Variants in LBP observed in about 807,000 individuals in gnomAD.
LBP encodes lipopolysaccharide binding protein.
LBP carries 53 observed loss-of-function variants against 56.6 expected under a neutral mutation model. That is an observed-to-expected ratio of 0.94 (90% CI 0.75 to 1.18). LBP has a LOEUF of 1.18. Among genes scored for constraint, LBP ranks in the 50% most tolerant of loss-of-function variants. The pLI is 0.00. For missense variants in LBP, 601 were observed against 598.3 expected (o/e 1.00, Z -0.05); for synonymous variants, 227 against 247.5 (o/e 0.92, Z 0.78).
intron 5 of LBP, among the ~76,000 whole-genome samples, chr20:38,358,507 G>A (rs921265409): frequency 6.6e-6 from 1 of 152,196 alleles, no homozygotes; most frequent in Non-Finnish European, 1.5e-5. Context: ...GCGGTCTTCA[G>A]GGAGATGGAT....
rs1398956636 is a variant in LBP at position 38,346,500 on chromosome 20, T to G, written c.-17T>G. 6.8e-6 allele frequency: 11 copies of G among 1,613,012 alleles called. No individual in the cohort carries two copies. The East Asian group carries it at 2.5e-4, about 36-fold the overall frequency. On this transcript the variant is annotated 5_prime_UTR_variant, in exon 1 of 15. Transcript: ENST00000217407. ...CACAGCTGGGACAGTCCTGGCCCAC[T>G]GCACTGGGAATCTAGGATGGGGGCC...
intron 11 of LBP, 104 bp downstream of exon 11, chr20:38,370,909 G>A: frequency 2.1e-6 from 2 of 955,000 alleles, no homozygotes; most frequent in Non-Finnish European, 3.4e-6. Flanking sequence ...CATTTGGAAA[G>A]GACACTTACA....
chr20:38,365,016 C>T (rs1320339056), intron 8 of LBP, among the ~76,000 whole-genome samples: 1 of 152,284 alleles, frequency 6.6e-6, no homozygotes, highest in East Asian at 1.9e-4. Flanking sequence ...GGGCGGATCA[C>T]TTGAGGTCAG....
chr20:38,364,076 C>G lies in LBP; in HGVS notation c.744+10C>G. 1 of 1,600,038 alleles carries G rather than the reference C, an allele frequency of 6.2e-7. No homozygotes were observed. The highest frequency in any genetic ancestry group is 1.3e-5 in the African/African-American group (1 of 74,702). On this transcript the variant is annotated intron_variant, in intron 7 of 14. Coordinates refer to ENST00000217407, the MANE Select transcript of LBP (RefSeq NM_004139.5). Reference sequence around the variant, plus strand: ...GGAGGTGATGTTTAAGGTGAGGGTCCTGGGGCCGGGCTGCGTGGGTGAGGC... The same window carrying G: ...GGAGGTGATGTTTAAGGTGAGGGTCGTGGGGCCGGGCTGCGTGGGTGAGGC...
chr20:38,375,248 C>A (rs1421890673), intron 14 of LBP, among the ~76,000 whole-genome samples: 1 of 151,358 alleles, frequency 6.6e-6, no homozygotes, highest in Non-Finnish European at 1.5e-5. Context: ...AGTGCTCATA[C>A]CTGTTTTCTT....
intron 10 of LBP, among the ~76,000 whole-genome samples, chr20:38,370,515 T>G (rs1369776070): frequency 6.6e-6 from 1 of 152,166 alleles, no homozygotes; most frequent in Non-Finnish European, 1.5e-5. Context: ...GTTTAACTGC[T>G]AACATAAACA....
intron 5 of LBP, among the ~76,000 whole-genome samples, chr20:38,360,155 G>T (rs2076854483): frequency 6.6e-6 from 1 of 151,902 alleles, no homozygotes; most frequent in Admixed American, 6.6e-5. Flanking sequence ...GGGAGGCTGA[G>T]GCAGGAGAAT....
At chr20:38,352,830 TATAA>T (rs137996210) in intron 3 of LBP, among the ~76,000 whole-genome samples, 1 of 151,852 alleles carries the variant, frequency 6.6e-6, no homozygotes, top group Admixed American at 6.6e-5. Flanking sequence ...AATTATTTAT[TATAA>T]ATAAATAAAT....
chr20:38,360,607 T>C, intron 5 of LBP, 97 bp from the exon 6 acceptor site: 1 of 758,274 alleles, frequency 1.3e-6, no homozygotes, highest in Admixed American at 2.0e-5. Flanking sequence ...CAGTGATCAC[T>C]GAGCACATGT....
chr20:38,366,477 T>C (rs1251789245), intron 8 of LBP, among the ~76,000 whole-genome samples: 10 of 152,126 alleles, frequency 6.6e-5, no homozygotes, highest in Admixed American at 6.5e-4. Context: ...AGGGCTGGCC[T>C]GAGATCACAA....
intron 8 of LBP, among the ~76,000 whole-genome samples, 165 bp from the exon 9 acceptor site, chr20:38,366,604 T>C (rs145291325): frequency 6.6e-6 from 1 of 152,280 alleles, no homozygotes; most frequent in African/African-American, 2.4e-5. Context: ...TGAAGTCCCA[T>C]GTGCTCTCCT....
In LBP at chr20:38,376,622, T is replaced by C. The variant is rs990141897; in HGVS notation, c.1402-3T>C. 3 of 1,613,706 alleles carry C rather than the reference T, an allele frequency of 1.9e-6. No individual in the cohort carries two copies. The highest frequency in any genetic ancestry group is 2.7e-5 in the African/African-American group (2 of 74,932). ...CCATCCTGTCCTGTCCTGTTTTTCC[T>C]AGGACTTCCTGTTCTTGGGTGCCAA... is the stretch of plus-strand genomic sequence containing the variant. On this transcript the variant is annotated splice_polypyrimidine_tract_variant and splice_region_variant and intron_variant, in intron 14 of 14. Transcript: ENST00000217407.
intron 8 of LBP, among the ~76,000 whole-genome samples, chr20:38,365,713 AAAAAATATAT>A (rs1488396917): frequency 1.0e-3 from 30 of 29,568 alleles, no homozygotes; most frequent in African/African-American, 1.1e-3. Context: ...AAAAAAAAAA[AAAAAATATAT>A]ATATATATAT....
chr20:38,346,693 T>C, intron 1 of LBP, 53 bp downstream of exon 1: 2 of 1,607,662 alleles, frequency 1.2e-6, no homozygotes, highest in Non-Finnish European at 1.7e-6. Context: ...TCCAGGCTGC[T>C]CTGGGTACAG....
intron 9 of LBP, among the ~76,000 whole-genome samples, chr20:38,368,523 C>T (rs189362025): frequency 6.6e-6 from 1 of 152,104 alleles, no homozygotes; most frequent in South Asian, 2.1e-4. Flanking sequence ...CGCTTGAACC[C>T]CAGAGGCAGA....
chr20:38,370,953 C>T (rs557061206), intron 11 of LBP, 148 bp downstream of exon 11: 4 of 710,184 alleles, frequency 5.6e-6, no homozygotes, highest in African/African-American at 1.7e-5. Context: ...TTCTGCCCCA[C>T]TGGTCCTGCC....
chr20:38,354,207 G>A, intron 3 of LBP, 77 bp from the exon 4 acceptor site: 1 of 1,287,654 alleles, frequency 7.8e-7, no homozygotes, highest in Non-Finnish European at 1.1e-6. Context: ...GGTCAGAACT[G>A]AGCCTTCTAT....
intron 1 of LBP, among the ~76,000 whole-genome samples, chr20:38,349,046 C>T (rs930749836): frequency 7.9e-5 from 12 of 152,136 alleles, no homozygotes; most frequent in African/African-American, 1.9e-4. Flanking sequence ...CTGCCCTCCT[C>T]GGCCTCCCAA....
At chr20:38,350,678 G>A in intron 2 of LBP, 133 bp from the exon 3 acceptor site, 8 of 961,464 alleles carry the variant, frequency 8.3e-6, no homozygotes, top group Non-Finnish European at 1.2e-5. Flanking sequence ...TCGATGCCTG[G>A]GGCACAGCAG....
Sources: allele counts gnomAD v4.1 joint callset (sites outside exome capture counted in the v4.1 genomes callset), GRCh38; gene constraint gnomAD v4.1.1; transcripts MANE v1.5; gene names NCBI Gene and HGNC (gene_info 2026-07-23, HGNC 2026-07-21).